TMEM135: variants seen among roughly 807,000 people sequenced by gnomAD.
The protein encoded by TMEM135 is peroxisomal membrane protein 52.
TMEM135 carries 30 observed loss-of-function variants against 60.3 expected under a neutral mutation model. That is an observed-to-expected ratio of 0.50 (90% CI 0.37 to 0.68). The LOEUF is 0.68. TMEM135 is among the 30% of genes least tolerant of loss of function. The pLI is 0.00. For missense variants in TMEM135, 468 were observed against 548.8 expected (o/e 0.85, Z 1.47); for synonymous variants, 190 against 186.7 (o/e 1.02, Z -0.14).
At chr11:87,177,189 T>A (rs139739779) in intron 5 of TMEM135, among the ~76,000 whole-genome samples, 1 of 152,274 alleles carries the variant, frequency 6.6e-6, no homozygotes, top group Non-Finnish European at 1.5e-5. Context: ...CCTTTCATTT[T>A]AAAATATTTT....
chr11:87,106,713 T>C (rs1041520205), intron 4 of TMEM135, among the ~76,000 whole-genome samples: 1 of 152,208 alleles, frequency 6.6e-6, no homozygotes. Flanking sequence ...TTGTTATTTA[T>C]TCTATCTGCT....
chr11:87,061,528 A>G lies in TMEM135; in HGVS notation c.142-6166A>G, dbSNP rs958988596. Among the ~76,000 whole-genome samples, 4 of 152,312 alleles carry G rather than the reference A, an allele frequency of 2.6e-5. No individual in the cohort carries two copies. In the South Asian group the frequency reaches 8.3e-4, roughly 32 times the overall value. On this transcript the variant is annotated intron_variant, in intron 1 of 14. Transcript: ENST00000305494. ...TTGACTCTTATTTGCAAACTATTTA[A>G]TTTTCCAAAGAAACTAGATTTCTCA...
At chr11:87,157,287 TGAG>T (rs1938726486) in intron 4 of TMEM135, 51 bp from the exon 5 acceptor site, 5 of 1,482,186 alleles carry the variant, frequency 3.4e-6, no homozygotes, top group African/African-American at 2.8e-5. Flanking sequence ...GATATACAAT[TGAG>T]GAGAGATTGT....
intron 1 of TMEM135, among the ~76,000 whole-genome samples, chr11:87,039,404 C>T (rs1015306836): frequency 4.6e-5 from 7 of 152,088 alleles, no homozygotes; most frequent in South Asian, 4.1e-4. Flanking sequence ...CTAACAAACT[C>T]GTGGTAATGC....
intron 6 of TMEM135, among the ~76,000 whole-genome samples, chr11:87,238,655 T>C (rs879744588): frequency 6.6e-6 from 1 of 152,096 alleles, no homozygotes; most frequent in Non-Finnish European, 1.5e-5. Flanking sequence ...CAATGACTCA[T>C]TGATTTCTAA....
intron 1 of TMEM135, among the ~76,000 whole-genome samples, chr11:87,061,350 C>T (rs1388276200): frequency 6.6e-6 from 1 of 152,136 alleles, no homozygotes; most frequent in Non-Finnish European, 1.5e-5. Flanking sequence ...GGCAGGGATG[C>T]TGCTAAACAT....
chr11:87,132,894 A>G (rs1937976934), intron 4 of TMEM135, among the ~76,000 whole-genome samples: 2 of 152,174 alleles, frequency 1.3e-5, no homozygotes, highest in Non-Finnish European at 2.9e-5. Flanking sequence ...GGGATTAGTA[A>G]CAATAATAAA....
At chr11:87,065,767 AT>A (rs927241886) in intron 1 of TMEM135, among the ~76,000 whole-genome samples, 3 of 152,110 alleles carry the variant, frequency 2.0e-5, no homozygotes, top group African/African-American at 7.2e-5. Context: ...GATTTGCTCC[AT>A]TTTTTCCCCC....
At chr11:87,189,758 G>GA (rs796303818) in intron 5 of TMEM135, among the ~76,000 whole-genome samples, 3,043 of 115,486 alleles carry the variant, frequency 0.026, 56 homozygotes, top group South Asian at 0.04. Flanking sequence ...CGTCTCCACA[G>GA]AAAAAAAAAA....
At chr11:87,249,607 G>T (rs1452370846) in intron 6 of TMEM135, among the ~76,000 whole-genome samples, 1 of 151,876 alleles carries the variant, frequency 6.6e-6, no homozygotes, top group Non-Finnish European at 1.5e-5. Context: ...TCTTAGTACT[G>T]CTTTCACTTA....
intron 6 of TMEM135, among the ~76,000 whole-genome samples, chr11:87,285,904 T>C (rs543750421): frequency 5.3e-5 from 8 of 152,152 alleles, no homozygotes; most frequent in Non-Finnish European, 2.9e-5. Context: ...AGGGTGCTGA[T>C]TGGTGCGTTT....
Position 87,037,941 on chromosome 11 carries a change from A to T in TMEM135, c.-105A>T, listed in dbSNP as rs767153397. ...TCGTGACCTTTCCCCTCCATTCCGC[A>T]CCTCCGAGTGCTGGCCGGGCGAGAG... On this transcript the variant is annotated 5_prime_UTR_variant, in exon 1 of 15. Transcript: ENST00000305494. 3 of 1,542,532 alleles carry T rather than the reference A, an allele frequency of 1.9e-6. No individual in the cohort carries two copies. Among genetic ancestry groups the T allele is most frequent in the Admixed American group, 1.7e-5 (1 of 59,792 alleles).
At chr11:87,272,413 G>A (rs1447638667) in intron 6 of TMEM135, among the ~76,000 whole-genome samples, 2 of 151,878 alleles carry the variant, frequency 1.3e-5, no homozygotes, top group Non-Finnish European at 2.9e-5. Flanking sequence ...GATGACCTCT[G>A]TGAACCTTTC....
chr11:87,287,877 T>C (rs931507635), intron 6 of TMEM135, among the ~76,000 whole-genome samples: 1 of 152,198 alleles, frequency 6.6e-6, no homozygotes, highest in Non-Finnish European at 1.5e-5. Context: ...AGTTTGAGTT[T>C]TATATTCTTT....
intron 4 of TMEM135, among the ~76,000 whole-genome samples, chr11:87,146,746 T>C (rs1475356953): frequency 2.0e-5 from 3 of 152,182 alleles, no homozygotes; most frequent in African/African-American, 7.2e-5. Context: ...TGTTTTCACG[T>C]ATATTAATAC....
In TMEM135 at chr11:87,326,930, T is replaced by TTC. The variant is rs1491079465; in HGVS notation, c.*5597_*5598insTC. On this transcript the variant is annotated 3_prime_UTR_variant, in exon 15 of 15. Coordinates refer to ENST00000305494, the MANE Select transcript of TMEM135 (RefSeq NM_022918.4). ...GAGGACCTTTTTTTTTTTTTTTTTT[T>TTC]CACTAAAACGCTTCCTATAACTTGG... The TTC allele has an allele frequency of 4.6e-5, 18 of 389,100 alleles. No homozygotes were observed. The highest frequency in any genetic ancestry group is 3.8e-4 in the African/African-American group (16 of 42,380). 24.1% of individuals were successfully genotyped at this position (389,100 alleles called of 1,614,324 possible).
chr11:87,126,594 T>A (rs76975803), intron 4 of TMEM135, among the ~76,000 whole-genome samples: 2 of 114,072 alleles, frequency 1.8e-5, no homozygotes, highest in East Asian at 7.0e-4. Context: ...CTTTGCTTTT[T>A]AAAATATATA....
At chr11:87,248,178 C>G (rs898591091) in intron 6 of TMEM135, among the ~76,000 whole-genome samples, 11 of 152,096 alleles carry the variant, frequency 7.2e-5, no homozygotes, top group African/African-American at 1.9e-4. Context: ...CTTGATATCT[C>G]TTTGATATAC....
intron 5 of TMEM135, among the ~76,000 whole-genome samples, chr11:87,228,467 C>T (rs7128079): frequency 3.3e-5 from 5 of 151,926 alleles, no homozygotes; most frequent in African/African-American, 7.3e-5. Context: ...GTACAGACGG[C>T]GCAAGAGGAA....
Sources: gnomAD v4.1 joint callset for allele counts (sites outside exome capture counted in the v4.1 genomes callset) on GRCh38, gnomAD v4.1.1 for gene constraint, MANE v1.5 for transcripts, NCBI Gene and HGNC (gene_info 2026-07-23, HGNC 2026-07-21) for gene names.